The following INTS12 variants were observed in gnomAD, a reference collection of about 807,000 sequenced individuals.
The protein encoded by INTS12 is PHD finger protein 22.
Under a neutral mutation model 41.6 loss-of-function variants are expected in INTS12, and 13 were observed. That is an observed-to-expected ratio of 0.31 (90% confidence interval 0.20 to 0.50). The LOEUF is 0.50. Among genes scored for constraint, INTS12 ranks in the 20% least tolerant of loss-of-function variants. INTS12 has a pLI of 0.98. For synonymous variants in INTS12, 199 were observed against 191.4 expected (o/e 1.04, Z -0.33); for missense variants, 432 against 541.6 (o/e 0.80, Z 2.01).
chr4:105,702,558 TGC>T (rs1208325903), intron 2 of INTS12, among the ~76,000 whole-genome samples: 2 of 152,234 alleles, frequency 1.3e-5, no homozygotes, highest in Non-Finnish European at 1.5e-5. Context: ...ATCTGAAACT[TGC>T]CACAACTATT....
At chr4:105,685,320 A>G (rs1199774461) in intron 7 of INTS12, among the ~76,000 whole-genome samples, 1 of 152,128 alleles carries the variant, frequency 6.6e-6, no homozygotes, top group African/African-American at 2.4e-5. Context: ...AATAAACTTT[A>G]GTAGTAACAG....
chr4:105,698,052 C>T (rs1731931824), intron 3 of INTS12, among the ~76,000 whole-genome samples: 1 of 151,786 alleles, frequency 6.6e-6, no homozygotes, highest in African/African-American at 2.4e-5. Context: ...CCTGTCTCAA[C>T]AAAAAACAAC....
intron 4 of INTS12, 22 bp downstream of exon 4, chr4:105,695,494 C>T (rs1006130221): frequency 1.3e-6 from 2 of 1,563,582 alleles, no homozygotes; most frequent in African/African-American, 2.8e-5. Context: ...TTTCTTTTAA[C>T]AAGATTAAAA....
chr4:105,685,223 G>A (rs1731461130), intron 7 of INTS12, among the ~76,000 whole-genome samples: 2 of 151,954 alleles, frequency 1.3e-5, no homozygotes, highest in Non-Finnish European at 2.9e-5. Context: ...TTTTATTAAA[G>A]AAACACAAAA....
At chr4:105,691,502 A>C (rs921669824) in intron 6 of INTS12, among the ~76,000 whole-genome samples, 1 of 152,228 alleles carries the variant, frequency 6.6e-6, no homozygotes, top group Non-Finnish European at 1.5e-5. Flanking sequence ...GGAAAGACTA[A>C]GCAACAGAGA....
chr4:105,685,997 G>A (rs1318584867), intron 7 of INTS12, among the ~76,000 whole-genome samples: 1 of 152,172 alleles, frequency 6.6e-6, no homozygotes, highest in Non-Finnish European at 1.5e-5. Context: ...AGGCCAATCT[G>A]CTCAAGTAGT....
chr4:105,693,313 G>C lies in INTS12; in HGVS notation c.483C>G (p.Ala161=), dbSNP rs61732560. 1 of 1,606,940 alleles carries C rather than the reference G, an allele frequency of 6.2e-7. No individual in the cohort carries two copies. Among genetic ancestry groups the C allele is most frequent in the South Asian group, 1.1e-5 (1 of 89,968 alleles). Residue 161 remains alanine, a synonymous_variant, in exon 5 of 8, where the codon GCC becomes GCG. Coordinates refer to ENST00000340139, the MANE Select transcript of INTS12 (RefSeq NM_020395.4). Reference sequence around the variant, plus strand: ...GTACAACTTACCTACAAACAACGCAGGCCAATCCCATCTCCATGGCAAAAT... The same window carrying C: ...GTACAACTTACCTACAAACAACGCACGCCAATCCCATCTCCATGGCAAAAT... The part of the protein sequence containing the change: ...ADDFAMEMGL[A]CVVCRQMMVA...
Position 105,707,221 on chromosome 4 carries a change from G to C in INTS12, c.-172+1417C>G, listed in dbSNP as rs563354031. On this transcript the variant is annotated intron_variant, in intron 1 of 7. Transcript: ENST00000340139. ...CATGAAGATTTGACTGACAGCTGCT[G>C]TGCCCCTCTCCATTCCAAACCCTAT... 8.6e-5 allele frequency among the ~76,000 whole-genome samples: 13 copies of C among 151,974 alleles called. No homozygotes were observed. The South Asian group carries it at 2.7e-3, about 32-fold the overall frequency.
At position 105,699,969 on chromosome 4, in the gene INTS12, A is replaced by C; in HGVS notation, c.37T>G (p.Phe13Val). Reference sequence around the variant, plus strand: ...TGCAAGAAACCTAGTGCTTTCAAAAAAATGGGATCAAGTTCCAAGTTCACA... The same window carrying C: ...TGCAAGAAACCTAGTGCTTTCAAAACAATGGGATCAAGTTCCAAGTTCACA... ...ATVNLELDPI[F>V]LKALGFLHSK... Residue 13 changes from phenylalanine to valine, a missense_variant, in exon 3 of 8, where the codon TTT becomes GTT. Around this residue, in one of 3 missense-constraint regions of INTS12, gnomAD observed 168 missense variants for 198.9 expected, o/e 0.84. Coordinates refer to ENST00000340139, the MANE Select transcript of INTS12 (RefSeq NM_020395.4). 6.5e-7 allele frequency: 1 copy of C among 1,535,478 alleles called. No homozygotes were observed. Among genetic ancestry groups the C allele is most frequent in the Non-Finnish European group, 8.9e-7 (1 of 1,125,822 alleles).
intron 2 of INTS12, among the ~76,000 whole-genome samples, chr4:105,703,313 T>C (rs1732148305): frequency 6.6e-6 from 1 of 152,214 alleles, no homozygotes; most frequent in South Asian, 2.1e-4. Context: ...CTTTAAAGCT[T>C]TCGCTGACCT....
At chr4:105,698,686 G>A (rs1456023138) in intron 3 of INTS12, among the ~76,000 whole-genome samples, 1 of 152,178 alleles carries the variant, frequency 6.6e-6, no homozygotes, top group African/African-American at 2.4e-5. Flanking sequence ...CTACTGCAAT[G>A]AGAATGGATA....
intron 6 of INTS12, 113 bp downstream of exon 6, chr4:105,691,863 G>T (rs1318417718): frequency 5.4e-6 from 4 of 735,198 alleles, no homozygotes; most frequent in Non-Finnish European, 8.3e-6. Context: ...TAAATAATCA[G>T]CTTATATTAT....
chr4:105,708,665 T>A lies in INTS12; in HGVS notation c.-199A>T, dbSNP rs2149198133. 1 of 936,882 alleles carries A rather than the reference T, an allele frequency of 1.1e-6. No individual in the cohort carries two copies. The highest frequency in any genetic ancestry group is 1.3e-6 in the Non-Finnish European group (1 of 785,848). The allele number at this position is 936,882 out of a possible 1,614,324, so 58.0% of individuals were successfully genotyped here. On this transcript the variant is annotated 5_prime_UTR_variant, in exon 1 of 8. Transcript: ENST00000340139. Reference sequence around the variant, plus strand: ...TTCCGCCCCGCCCTGCCGATCCGTCTGTTCCCGGTGGTCCCTTCGGAAACG... The same window carrying A: ...TTCCGCCCCGCCCTGCCGATCCGTCAGTTCCCGGTGGTCCCTTCGGAAACG...
intron 7 of INTS12, 89 bp downstream of exon 7, chr4:105,686,603 G>A: frequency 1.0e-6 from 1 of 952,440 alleles, no homozygotes; most frequent in South Asian, 1.7e-5. Context: ...AGTATATAAA[G>A]TTTCTCATTA....
chr4:105,690,283 G>T (rs951550951), intron 6 of INTS12, among the ~76,000 whole-genome samples: 3 of 152,148 alleles, frequency 2.0e-5, no homozygotes, highest in Non-Finnish European at 2.9e-5. Context: ...CATTATATAA[G>T]TAATTGAGAG....
chr4:105,695,369 T>C (rs2149184649), intron 4 of INTS12, 147 bp downstream of exon 4: 3 of 567,284 alleles, frequency 5.3e-6, no homozygotes, highest in South Asian at 3.6e-5. Context: ...TCAAAATCTA[T>C]AGCTATCAAT....
At chr4:105,707,980 G>A (rs1256347864) in intron 1 of INTS12, 1 of 985,266 alleles carries the variant, frequency 1.0e-6, no homozygotes, top group African/African-American at 1.7e-5. Flanking sequence ...GAAGGAAACA[G>A]AAACTGTTCA....
intron 2 of INTS12, among the ~76,000 whole-genome samples, chr4:105,701,271 A>G (rs1449311537): frequency 2.7e-5 from 4 of 146,520 alleles, no homozygotes; most frequent in South Asian, 4.3e-4. Flanking sequence ...GGAAGGTATT[A>G]GTTATCTACC....
chr4:105,689,065 G>T (rs1378205270), intron 6 of INTS12, among the ~76,000 whole-genome samples: 1 of 152,222 alleles, frequency 6.6e-6, no homozygotes, highest in African/African-American at 2.4e-5. Flanking sequence ...TCTAAATGCT[G>T]CAAAATAGGA....
Sources: allele counts gnomAD v4.1 joint callset (sites outside exome capture counted in the v4.1 genomes callset), GRCh38; gene constraint gnomAD v4.1.1; regional missense constraint gnomAD v4.1.1; transcripts MANE v1.5; gene names NCBI Gene and HGNC (gene_info 2026-07-23, HGNC 2026-07-21).